Variants in SMC4 observed in about 807,000 individuals in gnomAD.
SMC4 encodes the protein structural maintenance of chromosomes protein 4.
SMC4 carries 87 observed loss-of-function variants against 145.6 expected under a neutral mutation model. The ratio of observed to expected loss-of-function variants is 0.60; its 90% CI spans 0.50 to 0.71. The LOEUF (loss-of-function observed/expected upper bound fraction) is 0.71. SMC4 is among the 30% of genes least tolerant of loss of function. The pLI is 0.00. For missense variants in SMC4, 1,447 were observed against 1,537.1 expected, an observed-to-expected ratio of 0.94 and a Z score of 0.98; for synonymous variants, 558 against 500.7, an observed-to-expected ratio of 1.11 and a Z score of -1.53.
chr3:160,412,538 G>A lies in SMC4; in HGVS notation c.980+85G>A, dbSNP rs1716124313. 65 of 1,441,686 alleles carry A rather than the reference G, an allele frequency of 4.5e-5. No individual in the cohort carries two copies. The South Asian group carries it at 8.6e-4, about 19-fold the overall frequency. 89.3% of individuals were successfully genotyped at this position (1,441,686 alleles called of 1,614,324 possible). ...CCCTTCTCTTTTCCTAGAGAAACAT[G>A]AAGACTGAAGTGAAAAAAAATCTCT... On this transcript the variant is annotated intron_variant, in intron 7 of 23. Transcript: ENST00000357388.
rs527821042 is a variant in SMC4, at chr3:160,409,678, TAA to T, written c.688-2241_688-2240del. 2.5e-3 allele frequency among the ~76,000 whole-genome samples: 387 copies of T among 152,318 alleles called. 3 individuals are homozygous for T. The highest frequency in any genetic ancestry group is 8.7e-3 in the African/African-American group (360 of 41,580). ...GGGATGGTTTTTCATTTTCTTAAAA[TAA>T]GTGTTCAGATATTCTCCTTGAATTG... On this transcript the variant is annotated intron_variant, in intron 5 of 23. Coordinates refer to ENST00000357388, the MANE Select transcript of SMC4 (RefSeq NM_001002800.3).
At position 160,431,110 on chromosome 3, in the gene SMC4, C is replaced by G; in HGVS notation, c.3019C>G (p.Leu1007Val). The change falls in exon 20 of 24, where the codon CTT becomes GTT. Residue 1007 changes from leucine to valine, a missense_variant. Transcript: ENST00000357388. ...AGTTATTCAAGAAAATGAACATGCT[C>G]TTCAAAAAGATGCACTTAGTATTAA... Reference protein sequence around the residue: ...LKVIQENEHALQKDALSIKLK... With the variant: ...LKVIQENEHAVQKDALSIKLK... The G allele has an allele frequency of 6.2e-7, 1 of 1,607,726 alleles. No individual in the cohort carries two copies. The highest frequency in any genetic ancestry group is 8.5e-7 in the Non-Finnish European group (1 of 1,178,146).
chr3:160,401,116 C>A, intron 2 of SMC4, 151 bp downstream of exon 2: 2 of 1,120,886 alleles, frequency 1.8e-6, no homozygotes, highest in Non-Finnish European at 2.3e-6. Context: ...AGCCATTTGG[C>A]AACTTTGAGA....
chr3:160,412,010 T>C lies in SMC4; in HGVS notation c.778T>C (p.Cys260Arg), dbSNP rs1716041837. 6.2e-7 allele frequency: 1 copy of C among 1,613,570 alleles called. No individual in the cohort carries two copies. Among genetic ancestry groups the C allele is most frequent in the South Asian group, 1.1e-5 (1 of 91,074 alleles). The change falls in exon 6 of 24, where the codon TGT becomes CGT. Residue 260 changes from cysteine (C) to arginine (R), a missense_variant. Transcript: ENST00000357388. ...TGAATATTTAGAAGATATAATTGGT[T>C]GTGGACGGCTAAATGAACCTATTAA... ...MLEYLEDIIG[C>R]GRLNEPIKVL...
intron 5 of SMC4, among the ~76,000 whole-genome samples, chr3:160,410,083 T>A (rs1038473668): frequency 3.3e-5 from 5 of 152,018 alleles, no homozygotes; most frequent in Non-Finnish European, 5.9e-5. Context: ...CTCAAAAAAA[T>A]AATAAATGAG....
chr3:160,411,963 C>G lies in SMC4; in HGVS notation c.731C>G (p.Thr244Ser). 6.2e-7 allele frequency: 1 copy of G among 1,613,448 alleles called. No homozygotes were observed. Among genetic ancestry groups the G allele is most frequent in the Non-Finnish European group, 8.5e-7 (1 of 1,179,684 alleles). The change falls in exon 6 of 24, where the codon ACT (threonine) becomes AGT (serine). Residue 244 changes from threonine (T) to serine (S), a missense_variant. Physicochemically the swap from Thr to Ser is moderately conservative, Grantham distance 58. Transcript: ENST00000357388. ...GCTATGATGAAACCAAAAGGCCAGA[C>G]TGAACACGATGAGGGTATGCTTGAA... ...QIAMMKPKGQTEHDEGMLEYL... is the reference protein window; with the variant it reads ...QIAMMKPKGQSEHDEGMLEYL...
intron 15 of SMC4, among the ~76,000 whole-genome samples, 180 bp downstream of exon 15, chr3:160,424,020 AAATATT>A: frequency 6.6e-6 from 1 of 152,334 alleles, no homozygotes; most frequent in Non-Finnish European, 1.5e-5. Context: ...TTAGAAAACA[AAATATT>A]AATCAGAAAC....
chr3:160,426,163 G>T lies in SMC4; in HGVS notation c.2568G>T (p.Gln856His), dbSNP rs761126148. Reference protein sequence around the residue: ...VLATAPDKKKQKLLEENVSAF... With the variant: ...VLATAPDKKKHKLLEENVSAF... ...CTACAGCCCCTGACAAAAAAAAGCAGAAATTGCTAGAAGAAAACGTTAGTG... is the reference window on the plus strand; with the variant it reads ...CTACAGCCCCTGACAAAAAAAAGCATAAATTGCTAGAAGAAAACGTTAGTG... Residue 856 changes from glutamine (Q) to histidine (H), a missense_variant, in exon 17 of 24, where the codon CAG (glutamine) becomes CAT (histidine). By Grantham distance (24) the Gln-to-His change is conservative. Coordinates refer to ENST00000357388, the MANE Select transcript of SMC4 (RefSeq NM_001002800.3). 7.5e-6 allele frequency: 12 copies of T among 1,609,858 alleles called. No homozygotes were observed. The South Asian group carries it at 1.1e-4, about 15-fold the overall frequency.
intron 3 of SMC4, 41 bp from the exon 4 acceptor site, chr3:160,402,635 T>C (rs761076730): frequency 6.3e-7 from 1 of 1,579,288 alleles, no homozygotes; most frequent in Non-Finnish European, 8.6e-7. Flanking sequence ...AGCATGACCT[T>C]ATGAACTTTT....
At chr3:160,416,493 C>T in intron 10 of SMC4, 78 bp downstream of exon 10, 2 of 910,056 alleles carry the variant, frequency 2.2e-6, no homozygotes, top group Non-Finnish European at 3.2e-6. Context: ...TTCAAAAATA[C>T]TGAAACCTGA....
Position 160,433,060 on chromosome 3 carries a change from T to C in SMC4, c.3565T>C (p.Phe1189Leu), listed in dbSNP as rs375458812. The C allele has an allele frequency of 6.2e-7, 1 of 1,613,588 alleles. No homozygotes were observed. The highest frequency in any genetic ancestry group is 8.5e-7 in the Non-Finnish European group (1 of 1,179,722). The change falls in exon 23 of 24, where the codon TTC becomes CTC. Residue 1189 changes from phenylalanine to leucine, a missense_variant. By Grantham distance (22) the Phe-to-Leu change is conservative. Transcript: ENST00000357388. ...ACCTAAGAAAAGTTGGAAAAAGATC[T>C]TCAACCTTTCGGGAGGAGAGAAAAC... Reference protein sequence around the residue: ...RPPKKSWKKIFNLSGGEKTLS... With the variant: ...RPPKKSWKKILNLSGGEKTLS...
At chr3:160,423,391 TGTTG>T (rs757048532) in intron 13 of SMC4, 30 bp from the exon 14 acceptor site, 1 of 1,166,406 alleles carries the variant, frequency 8.6e-7, no homozygotes, top group South Asian at 1.7e-5. Flanking sequence ...TTTTGTTAAC[TGTTG>T]TTTTTGTTTG....
At chr3:160,401,068 TC>T (rs1714567384) in intron 2 of SMC4, 103 bp downstream of exon 2, 1 of 1,308,446 alleles carries the variant, frequency 7.6e-7, no homozygotes, top group South Asian at 1.9e-5. Context: ...GGAGTTGACA[TC>T]TGAAGGTCCG....
intron 17 of SMC4, among the ~76,000 whole-genome samples, chr3:160,427,174 T>G (rs898862289): frequency 6.6e-6 from 1 of 152,254 alleles, no homozygotes. Context: ...CTGGCCAGGC[T>G]TTGTTTTAGG....
chr3:160,431,753 A>G lies in SMC4; in HGVS notation c.3225A>G (p.Gln1075=), dbSNP rs1258385156. 1 of 1,613,976 alleles carries G rather than the reference A, an allele frequency of 6.2e-7. No homozygotes were observed. The highest frequency in any genetic ancestry group is 8.5e-7 in the Non-Finnish European group (1 of 1,179,976). ...AGAATCCAGATTCTATAACAAATCA[A>G]ATTGCACTTTTGGAAGCCCGGTGTC... The part of the protein sequence containing the change: ...AIKNPDSITN[Q]IALLEARCHE... Residue 1075 remains glutamine (Q), a synonymous_variant, in exon 21 of 24, where the codon CAA becomes CAG. Coordinates refer to ENST00000357388, the MANE Select transcript of SMC4 (RefSeq NM_001002800.3).
In SMC4 at chr3:160,426,152, A is replaced by G. The variant is rs774061963; in HGVS notation, c.2557A>G (p.Lys853Glu). 6.3e-7 allele frequency: 1 copy of G among 1,596,314 alleles called. No homozygotes were observed. The highest frequency in any genetic ancestry group is 2.2e-5 in the East Asian group (1 of 44,478). The change falls in exon 17 of 24, where the codon AAA (lysine) becomes GAA (glutamate). Residue 853 changes from lysine to glutamate, a missense_variant. Lys to Glu is a moderately conservative substitution (Grantham distance 56). Transcript: ENST00000357388. ...EANVLATAPDKKKQKLLEENV... is the reference protein window; with the variant it reads ...EANVLATAPDEKKQKLLEENV... The stretch of plus-strand genomic sequence containing the variant: ...TAATGTACTTGCTACAGCCCCTGAC[A>G]AAAAAAAGCAGAAATTGCTAGAAGA...
At chr3:160,402,901 G>A (rs932418083) in intron 4 of SMC4, 34 bp downstream of exon 4, 2 of 1,467,858 alleles carry the variant, frequency 1.4e-6, no homozygotes, top group African/African-American at 1.5e-5. Flanking sequence ...GCAAGTTCAA[G>A]TAAGGAAAAT....
At chr3:160,420,712 C>CT (rs1201524873) in intron 12 of SMC4, 28 bp from the exon 13 acceptor site, 6 of 1,603,774 alleles carry the variant, frequency 3.7e-6, no homozygotes, top group African/African-American at 1.3e-5. Flanking sequence ...CTGCCTAACT[C>CT]TTTTTTCACC....
intron 2 of SMC4, among the ~76,000 whole-genome samples, chr3:160,401,632 G>C (rs1377924794): frequency 6.6e-6 from 1 of 152,180 alleles, no homozygotes; most frequent in Non-Finnish European, 1.5e-5. Flanking sequence ...ATGATGTAGT[G>C]TTTTGACTCT....
Sources: gnomAD v4.1 joint callset for allele counts (sites outside exome capture counted in the v4.1 genomes callset) on GRCh38, gnomAD v4.1.1 for gene constraint, MANE v1.5 for transcripts, NCBI Gene and HGNC (gene_info 2026-07-23, HGNC 2026-07-21) for gene names.